Variants in RAB33A observed in about 807,000 individuals in gnomAD.
The protein encoded by RAB33A is RAB33A, member RAS oncogene family.
RAB33A carries 6 observed loss-of-function variants against 12.0 expected under a neutral mutation model. That is an observed-to-expected ratio of 0.50 (90% confidence interval 0.27 to 0.99). The LOEUF is 0.99. Among genes scored for constraint, RAB33A ranks in the 50% least tolerant of loss-of-function variants. RAB33A has a pLI of 0.11. For synonymous variants in RAB33A, 70 were observed against 82.4 expected, an observed-to-expected ratio of 0.85 and a Z score of 0.81; for missense variants, 109 against 192.0, an observed-to-expected ratio of 0.57 and a Z score of 2.55.
the RAB33A span, chrX:130,165,713 G>A: frequency 6.0e-6 from 6 of 1,002,847 alleles, no homozygotes; most frequent in South Asian, 2.0e-5. Flanking sequence ...CACGACCGAC[G>A]GGTCAAACAC....
chrX:130,172,422 G>C (rs1264636025), intron 1 of RAB33A, 102 bp downstream of exon 1: 6 of 1,044,548 alleles, frequency 5.7e-6, no homozygotes, highest in Non-Finnish European at 7.6e-6. Context: ...AGCGCGTGGC[G>C]GTTTCGCCTC....
chrX:130,168,461 G>A (rs1441303090), upstream of RAB33A, among the ~76,000 whole-genome samples: 1 of 110,591 alleles, frequency 9.0e-6, no homozygotes. Context: ...GTGATCGCCC[G>A]CCTCGGCCTC....
chrX:130,134,880 A>T, the RAB33A span, among the ~76,000 whole-genome samples: 1 of 111,831 alleles, frequency 8.9e-6, no homozygotes, highest in Non-Finnish European at 1.9e-5. Context: ...AGCAACATAG[A>T]AAATGCTTAC....
At chrX:130,121,247 CTTTTCTTTTTTTT>C in the RAB33A span, among the ~76,000 whole-genome samples, 1 of 106,166 alleles carries the variant, frequency 9.4e-6, no homozygotes, top group African/African-American at 3.5e-5. Context: ...TTTTTCTTTT[CTTTTCTTTTTTTT>C]TTTTTTTTTG....
intron 1 of RAB33A, among the ~76,000 whole-genome samples, chrX:130,181,607 A>T (rs1338829567): frequency 8.9e-6 from 1 of 112,457 alleles, no homozygotes; most frequent in Non-Finnish European, 1.9e-5. Flanking sequence ...GCTGAGATAC[A>T]GAAGAAAAAT....
the RAB33A span, among the ~76,000 whole-genome samples, chrX:130,134,000 T>C: frequency 9.0e-6 from 1 of 110,774 alleles, no homozygotes; most frequent in African/African-American, 3.3e-5. Context: ...CCCAGCACTT[T>C]GGGAGACCAA....
chrX:130,118,892 T>C, the RAB33A span, among the ~76,000 whole-genome samples: 1 of 111,439 alleles, frequency 9.0e-6, no homozygotes, highest in Non-Finnish European at 1.9e-5. Context: ...TGCATGCATG[T>C]GTGTTCGTGG....
the RAB33A span, among the ~76,000 whole-genome samples, chrX:130,159,663 TAC>T: frequency 9.1e-6 from 1 of 109,930 alleles, no homozygotes; most frequent in Non-Finnish European, 1.9e-5. Flanking sequence ...AGACCCTAAA[TAC>T]AGACATTATA....
chrX:130,126,284 G>A, the RAB33A span, among the ~76,000 whole-genome samples: 2 of 111,667 alleles, frequency 1.8e-5, no homozygotes, highest in African/African-American at 3.3e-5. Flanking sequence ...CTGAGGTCAG[G>A]AGTTCGAGAC....
chrX:130,172,285 G>T lies in RAB33A; in HGVS notation c.223G>T (p.Glu75Ter). ...TEATIGVDFR[E>*]KTVEIEGEKI... ...AGCCACCATCGGCGTGGACTTCAGG[G>T]AGAAGACCGTGGAAATCGAGGGCGA... Residue 75 changes from glutamate (E) to a stop codon, truncating the protein, a stop_gained, in exon 1 of 2, where the codon GAG becomes TAG. Transcript: ENST00000257017. LOFTEE classifies it high-confidence loss of function. The T allele has an allele frequency of 8.3e-7, 1 of 1,210,254 alleles. No individual in the cohort carries two copies. The highest frequency in any genetic ancestry group is 1.1e-6 in the Non-Finnish European group (1 of 894,381).
the RAB33A span, among the ~76,000 whole-genome samples, chrX:130,110,910 C>T: frequency 1.0e-5 from 1 of 98,358 alleles, no homozygotes; most frequent in Non-Finnish European, 2.1e-5. Flanking sequence ...CACACACGTC[C>T]CCGCAGGCGG....
chrX:130,143,259 G>T, the RAB33A span, among the ~76,000 whole-genome samples: 1 of 111,646 alleles, frequency 9.0e-6, no homozygotes, highest in African/African-American at 3.3e-5. Flanking sequence ...TCCCCTGGGC[G>T]TGGCAGTCAT....
the RAB33A span, chrX:130,136,710 T>C: frequency 1.5e-5 from 18 of 1,208,397 alleles, no homozygotes; most frequent in Admixed American, 1.1e-4. Context: ...CACAATAGCA[T>C]TGGGCATCAC....
At chrX:130,175,344 G>T (rs963748867) in intron 1 of RAB33A, among the ~76,000 whole-genome samples, 1 of 110,990 alleles carries the variant, frequency 9.0e-6, no homozygotes, top group African/African-American at 3.3e-5. Context: ...GATTGGGGGA[G>T]TTTGACAGGG....
chrX:130,132,519 T>A, the RAB33A span, among the ~76,000 whole-genome samples: 1 of 112,573 alleles, frequency 8.9e-6, no homozygotes, highest in Non-Finnish European at 1.9e-5. Flanking sequence ...TTCATTAACC[T>A]ACAGTATTTC....
chrX:130,116,224 GC>G, the RAB33A span, among the ~76,000 whole-genome samples: 2 of 106,440 alleles, frequency 1.9e-5, no homozygotes, highest in Admixed American at 2.1e-4. Flanking sequence ...TCCTGCCTCA[GC>G]CCTCCTACCT....
chrX:130,154,732 C>T, the RAB33A span, among the ~76,000 whole-genome samples: 1 of 112,218 alleles, frequency 8.9e-6, no homozygotes, highest in African/African-American at 3.2e-5. Context: ...GATCGTTTCC[C>T]ACAAAACACA....
the RAB33A span, among the ~76,000 whole-genome samples, chrX:130,135,664 C>T: frequency 0.011 from 1,236 of 111,244 alleles, 8 homozygotes; most frequent in African/African-American, 0.039. Flanking sequence ...ATTTTCCTTT[C>T]TAGGGAACAG....
At chrX:130,125,483 C>A in the RAB33A span, among the ~76,000 whole-genome samples, 1 of 111,235 alleles carries the variant, frequency 9.0e-6, no homozygotes, top group East Asian at 2.8e-4. Flanking sequence ...CCTCTGGGCC[C>A]AGCAGAACTT....
Sources: gnomAD v4.1 joint callset for allele counts (sites outside exome capture counted in the v4.1 genomes callset) on GRCh38, gnomAD v4.1.1 for gene constraint, MANE v1.5 for transcripts, NCBI Gene and HGNC (gene_info 2026-07-23, HGNC 2026-07-21) for gene names.